Variants in FLACC1 observed in about 807,000 individuals in gnomAD.
FLACC1 encodes flagellum-associated coiled-coil domain-containing protein 1.
A neutral mutation model predicts 62.8 loss-of-function variants in FLACC1; 66 were observed. The ratio of observed to expected loss-of-function variants is 1.05; its 90% confidence interval spans 0.86 to 1.29. FLACC1 has a LOEUF of 1.29. Ranked by LOEUF, FLACC1 falls within the 50% of genes most tolerant of loss-of-function variation. FLACC1 has a pLI of 0.00. For missense variants in FLACC1, 452 were observed against 489.1 expected (o/e 0.92, Z 0.71); for synonymous variants, 156 against 161.0 (o/e 0.97, Z 0.24).
rs938809937 is a variant in FLACC1 at position 201,344,396 on chromosome 2, T to A, written c.369-133A>T. On this transcript the variant is annotated intron_variant, in intron 5 of 14. Coordinates refer to ENST00000392257, the MANE Select transcript of FLACC1 (RefSeq NM_001127391.3). ...CTGGCCATGTTCTGCACCTGCTCTA[T>A]CATTATGGGGTGGGGGTGGAGGGAT... is the stretch of plus-strand genomic sequence containing the variant. 17 of 680,616 alleles carry A rather than the reference T, an allele frequency of 2.5e-5. No homozygotes were observed. In the East Asian group the frequency reaches 4.3e-4, roughly 17 times the overall value. The allele number at this position is 680,616 out of a possible 1,614,324, so 42.2% of individuals were successfully genotyped here.
In FLACC1 at chr2:201,350,787, A is replaced by C; in HGVS notation, c.114-5T>G. On this transcript the variant is annotated splice_polypyrimidine_tract_variant and splice_region_variant and intron_variant, in intron 2 of 14. Transcript: ENST00000392257. ...GCTGGTACAAGAGGAGTTAGCCTGA[A>C]AGTGAAAAACAAATAACTAAAACAA... is the stretch of plus-strand genomic sequence containing the variant. The C allele has an allele frequency of 1.2e-6, 2 of 1,608,854 alleles. No homozygotes were observed. Among genetic ancestry groups the C allele is most frequent in the Non-Finnish European group, 1.7e-6 (2 of 1,175,640 alleles).
intron 9 of FLACC1, among the ~76,000 whole-genome samples, chr2:201,327,630 G>A (rs1950520498): frequency 6.6e-6 from 1 of 152,136 alleles, no homozygotes; most frequent in African/African-American, 2.4e-5. Flanking sequence ...ACTCCTGCAA[G>A]AATGGTCATT....
chr2:201,348,383 C>A, intron 3 of FLACC1, 81 bp from the exon 4 acceptor site: 1 of 1,414,452 alleles, frequency 7.1e-7, no homozygotes, highest in South Asian at 1.2e-5. Flanking sequence ...CTGAGGCCGC[C>A]ACCATCTGAC....
rs1950915894 is a variant in FLACC1 at position 201,346,460 on chromosome 2, G to A, written c.368+82C>T. On this transcript the variant is annotated intron_variant, in intron 5 of 14. Transcript: ENST00000392257. This position sits in a 1 kb window ranked among gnomAD's most constrained non-coding sequence, Gnocchi z 4.0. ...GACCAGTGGCCTGGGTGTGGGCATAGCGGCTTTGGCTTGTCCCTGAGGCCG... is the reference window on the plus strand; with the variant it reads ...GACCAGTGGCCTGGGTGTGGGCATAACGGCTTTGGCTTGTCCCTGAGGCCG... 1 of 1,580,686 alleles carries A rather than the reference G, an allele frequency of 6.3e-7. No individual in the cohort carries two copies. Among genetic ancestry groups the A allele is most frequent in the Non-Finnish European group, 8.6e-7 (1 of 1,168,090 alleles).
intron 7 of FLACC1, among the ~76,000 whole-genome samples, chr2:201,333,615 T>C (rs1291548544): frequency 7.1e-6 from 1 of 140,086 alleles, no homozygotes; most frequent in Non-Finnish European, 1.5e-5. Flanking sequence ...CCATGTGTTC[T>C]CGTTGTTCAA....
At chr2:201,313,585 C>G (rs1331357144) in intron 9 of FLACC1, among the ~76,000 whole-genome samples, 5 of 152,272 alleles carry the variant, frequency 3.3e-5, no homozygotes, top group African/African-American at 1.2e-4. Context: ...TGAGCTCAGA[C>G]ACGCCTAGCC....
At chr2:201,313,662 G>C (rs1400944942) in intron 9 of FLACC1, among the ~76,000 whole-genome samples, 1 of 152,034 alleles carries the variant, frequency 6.6e-6, no homozygotes, top group Non-Finnish European at 1.5e-5. Flanking sequence ...TATACTCTTG[G>C]GAGTTCTAGG....
At chr2:201,306,493 C>G (rs1345789849) in intron 11 of FLACC1, among the ~76,000 whole-genome samples, 4 of 152,014 alleles carry the variant, frequency 2.6e-5, no homozygotes, top group Non-Finnish European at 5.9e-5. Context: ...ATCCATAAGA[C>G]AAAAATGACC....
chr2:201,351,074 A>C (rs1951018436), intron 2 of FLACC1, among the ~76,000 whole-genome samples: 1 of 152,220 alleles, frequency 6.6e-6, no homozygotes, highest in African/African-American at 2.4e-5. Flanking sequence ...TTGCACCAAC[A>C]CTGAGACTTC....
intron 1 of FLACC1, among the ~76,000 whole-genome samples, chr2:201,353,826 G>A (rs1412669114): frequency 6.6e-6 from 1 of 152,124 alleles, no homozygotes; most frequent in African/African-American, 2.4e-5. Context: ...TTGCACTCCT[G>A]GTCTCAAGGG....
intron 7 of FLACC1, among the ~76,000 whole-genome samples, chr2:201,340,501 C>T (rs938569679): frequency 1.3e-5 from 2 of 152,148 alleles, no homozygotes; most frequent in African/African-American, 4.8e-5. Context: ...AGCAATAACT[C>T]AACAGTTTTA....
intron 1 of FLACC1, among the ~76,000 whole-genome samples, chr2:201,353,625 T>C (rs913877810): frequency 6.6e-6 from 1 of 152,184 alleles, no homozygotes; most frequent in African/African-American, 2.4e-5. Flanking sequence ...TCTCACTCTG[T>C]CACCCAGGCT....
At chr2:201,290,919 C>A (rs1327660034) in intron 12 of FLACC1, among the ~76,000 whole-genome samples, 1 of 152,214 alleles carries the variant, frequency 6.6e-6, no homozygotes, top group South Asian at 2.1e-4. Flanking sequence ...GCCCACGGAG[C>A]CTTGCTCATT....
chr2:201,311,455 C>T (rs1285850431), intron 9 of FLACC1, among the ~76,000 whole-genome samples: 2 of 152,146 alleles, frequency 1.3e-5, no homozygotes, highest in Non-Finnish European at 2.9e-5. Context: ...GGCACGGTGG[C>T]TCATACCTGT....
rs192941772 is a variant in FLACC1 at position 201,346,841 on chromosome 2, C to T, written c.235-166G>A. Among the ~76,000 whole-genome samples, 10 of 152,296 alleles carry T rather than the reference C, an allele frequency of 6.6e-5. No homozygotes were observed. The highest frequency in any genetic ancestry group is 4.1e-4 in the South Asian group (2 of 4,824). ...ATTATAGCTCATTCTCACATCTCTC[C>T]GACTCAAATCTGATGCTTAGCAGGC... is the stretch of plus-strand genomic sequence containing the variant. On this transcript the variant is annotated intron_variant, in intron 4 of 14. Transcript: ENST00000392257. The surrounding 1 kb of genome is among the most constrained non-coding windows in gnomAD (Gnocchi z 4.0).
At chr2:201,300,662 G>A (rs1949962215) in intron 11 of FLACC1, among the ~76,000 whole-genome samples, 1 of 152,024 alleles carries the variant, frequency 6.6e-6, no homozygotes, top group Non-Finnish European at 1.5e-5. Flanking sequence ...GCCTAACTGG[G>A]AGGCACCGCC....
the FLACC1 span, among the ~76,000 whole-genome samples, chr2:201,363,851 A>C: frequency 6.6e-6 from 1 of 152,132 alleles, no homozygotes; most frequent in African/African-American, 2.4e-5. Flanking sequence ...GGGTCGAGGA[A>C]ATTTCCCAAG....
chr2:201,353,538 A>G (rs932854875), intron 1 of FLACC1, among the ~76,000 whole-genome samples: 7 of 152,160 alleles, frequency 4.6e-5, no homozygotes, highest in Admixed American at 1.3e-4. Flanking sequence ...AATTTTTAAC[A>G]TTAGTTGATT....
intron 3 of FLACC1, among the ~76,000 whole-genome samples, chr2:201,350,217 G>A (rs372250589): frequency 4.0e-5 from 6 of 151,342 alleles, no homozygotes; most frequent in African/African-American, 7.3e-5. Flanking sequence ...AAACCCCGTC[G>A]TTACTACAAA....
Sources: allele counts gnomAD v4.1 joint callset (sites outside exome capture counted in the v4.1 genomes callset), GRCh38; gene constraint gnomAD v4.1.1; non-coding constraint Gnocchi (gnomAD v3.1); transcripts MANE v1.5; gene names NCBI Gene and HGNC (gene_info 2026-07-23, HGNC 2026-07-21).